Variants in E2F7 observed in about 807,000 individuals in gnomAD.
E2F7 encodes transcription factor E2F7.
A neutral mutation model predicts 81.1 loss-of-function variants in E2F7; 35 were observed. That is an observed-to-expected ratio of 0.43 (90% CI 0.33 to 0.57). The LOEUF (loss-of-function observed/expected upper bound fraction) is 0.57, where lower values mean the gene tolerates loss of function less well. E2F7 is among the 20% of genes least tolerant of loss of function. E2F7 has a pLI of 0.04. For synonymous variants in E2F7, 416 were observed against 416.2 expected (o/e 1.00, Z 0.01); for missense variants, 961 against 1,093.7 (o/e 0.88, Z 1.71).
chr12:77,057,165 AC>A (rs1348795005), intron 2 of E2F7, among the ~76,000 whole-genome samples: 1 of 151,940 alleles, frequency 6.6e-6, no homozygotes, highest in African/African-American at 2.4e-5. Flanking sequence ...TGATCTTCCC[AC>A]CTCAGCCTCC....
At chr12:77,034,143 C>A in intron 7 of E2F7, 101 bp from the exon 8 acceptor site, 1 of 947,048 alleles carries the variant, frequency 1.1e-6, no homozygotes, top group Non-Finnish European at 1.5e-6. Context: ...TGTAATGGAG[C>A]TATCACCCTA....
At chr12:77,034,066 GTGT>G (rs779632690) in intron 7 of E2F7, 24 bp from the exon 8 acceptor site, 2 of 1,600,930 alleles carry the variant, frequency 1.2e-6, no homozygotes, top group Non-Finnish European at 1.7e-6. Context: ...AGAATTGGTA[GTGT>G]TGTTATACAG....
chr12:77,044,742 C>G lies in E2F7; in HGVS notation c.883G>C (p.Val295Leu). The G allele has an allele frequency of 6.2e-7, 1 of 1,614,150 alleles. No individual in the cohort carries two copies. ...GTTTTGGAGACGAGGAACAGCATGACAAACTTCTGGCTCATAATTCTCAGA... is the reference window on the plus strand; with the variant it reads ...GTTTTGGAGACGAGGAACAGCATGAGAAACTTCTGGCTCATAATTCTCAGA... ...KSLRIMSQKF[V>L]MLFLVSKTKI... is the part of the protein sequence containing the mutation. The change falls in exon 6 of 13, where the codon GTC (valine) becomes CTC (leucine). Residue 295 changes from valine (V) to leucine (L), a missense_variant. Physicochemically the swap from Val to Leu is conservative, Grantham distance 32. Transcript: ENST00000322886.
chr12:77,030,045 A>G lies in E2F7; in HGVS notation c.1670T>C (p.Leu557Pro). Reference protein sequence around the residue: ...VYVPSASLFMLYGSLQEGPAS... With the variant: ...VYVPSASLFMPYGSLQEGPAS... ...TGGTCCCTCCTGCAGACTTCCATACAGCATGAACAGTGAGGCAGAGGGCAC... is the reference window on the plus strand; with the variant it reads ...TGGTCCCTCCTGCAGACTTCCATACGGCATGAACAGTGAGGCAGAGGGCAC... Residue 557 changes from leucine to proline, a missense_variant, in exon 10 of 13, where the codon CTG (leucine) becomes CCG (proline). This residue lies in a region of E2F7 where 587 missense variants were observed against 620.3 expected (regional missense o/e 0.95). Transcript: ENST00000322886. The G allele has an allele frequency of 6.2e-7, 1 of 1,614,162 alleles. No homozygotes were observed. Among genetic ancestry groups the G allele is most frequent in the Non-Finnish European group, 8.5e-7 (1 of 1,180,024 alleles).
intron 11 of E2F7, among the ~76,000 whole-genome samples, chr12:77,027,562 T>G (rs903922893): frequency 2.0e-5 from 3 of 152,214 alleles, no homozygotes; most frequent in Non-Finnish European, 4.4e-5. Context: ...ACTAGCTGCA[T>G]GCAATGGCCA....
intron 3 of E2F7, among the ~76,000 whole-genome samples, chr12:77,055,311 T>C (rs1955022787): frequency 6.6e-6 from 1 of 151,710 alleles, no homozygotes; most frequent in South Asian, 2.1e-4. Context: ...AAACTTTTCT[T>C]AGGAAGTCTG....
chr12:77,028,266 C>T (rs1443858457), intron 10 of E2F7, 128 bp from the exon 11 acceptor site: 5 of 1,209,406 alleles, frequency 4.1e-6, no homozygotes, highest in African/African-American at 1.5e-5. Context: ...GATCCCAGCT[C>T]ACTGCAACCT....
chr12:77,065,175 G>C (rs868413781), intron 1 of E2F7, among the ~76,000 whole-genome samples, 170 bp downstream of exon 1: 1 of 152,180 alleles, frequency 6.6e-6, no homozygotes, highest in African/African-American at 2.4e-5. Context: ...TGCCGGGCCG[G>C]AGTGAGAGCT....
chr12:77,031,517 T>C (rs1392175056), intron 9 of E2F7, among the ~76,000 whole-genome samples: 1 of 152,084 alleles, frequency 6.6e-6, no homozygotes, highest in Non-Finnish European at 1.5e-5. Context: ...GGCACACGCC[T>C]GTAATCGCAG....
At chr12:77,063,045 C>G (rs577145899) in intron 2 of E2F7, among the ~76,000 whole-genome samples, 1 of 152,172 alleles carries the variant, frequency 6.6e-6, no homozygotes, top group Admixed American at 6.5e-5. Context: ...TGAAATCTCA[C>G]GTCATCCTGC....
chr12:77,044,219 T>C, intron 6 of E2F7: 1 of 454,260 alleles, frequency 2.2e-6, no homozygotes, highest in South Asian at 1.6e-5. Flanking sequence ...CCACCACCCT[T>C]ACCCTGGCCA....
In E2F7 at chr12:77,043,269, G is replaced by A. The variant is rs1215595250; in HGVS notation, c.989-70C>T. On this transcript the variant is annotated intron_variant, in intron 6 of 12. Transcript: ENST00000322886. ...CATGACAGTTTAGTTTATGTGACAGGTAACTTTTCTCGGCTGCCATATAAA... is the reference window on the plus strand; with the variant it reads ...CATGACAGTTTAGTTTATGTGACAGATAACTTTTCTCGGCTGCCATATAAA... The A allele has an allele frequency of 5.6e-6, 9 of 1,598,686 alleles. No homozygotes were observed. In the East Asian group the frequency reaches 2.0e-4, roughly 36 times the overall value.
At chr12:77,042,750 G>A (rs1172212251) in intron 7 of E2F7, among the ~76,000 whole-genome samples, 1 of 152,164 alleles carries the variant, frequency 6.6e-6, no homozygotes, top group East Asian at 1.9e-4. Context: ...AACAACTGGA[G>A]TTCAAAAGAG....
At chr12:77,024,511 A>C (rs566835783) in intron 12 of E2F7, among the ~76,000 whole-genome samples, 2 of 152,290 alleles carry the variant, frequency 1.3e-5, no homozygotes, top group African/African-American at 4.8e-5. Context: ...GGCGATGGTA[A>C]AATTACTGAC....
rs1954751759 is a variant in E2F7 at position 77,025,695 on chromosome 12, G to C, written c.2428C>G (p.Pro810Ala). 26 of 1,614,076 alleles carry C rather than the reference G, an allele frequency of 1.6e-5. No homozygotes were observed. Among genetic ancestry groups the C allele is most frequent in the Non-Finnish European group, 2.2e-5 (26 of 1,180,058 alleles). Residue 810 changes from proline to alanine, a missense_variant, in exon 12 of 13, where the codon CCT becomes GCT. Pro to Ala is a conservative substitution (Grantham distance 27). Around this residue, in one of 3 missense-constraint regions of E2F7, gnomAD observed 587 missense variants for 620.3 expected, o/e 0.95. Coordinates refer to ENST00000322886, the MANE Select transcript of E2F7 (RefSeq NM_203394.3). ...CTCTGAAGCTGAGGGTCTGCAGAAG[G>C]GAGTGTGGACGACTTTGGATTAACC... is the stretch of plus-strand genomic sequence containing the variant. ...AVVNPKSSTL[P>A]SADPQLQSQP...
intron 3 of E2F7, among the ~76,000 whole-genome samples, chr12:77,054,413 CA>C (rs749456036): frequency 7.9e-5 from 12 of 151,696 alleles, no homozygotes; most frequent in Non-Finnish European, 1.6e-4. Context: ...ATACAATTTG[CA>C]ATAGCATCAA....
intron 11 of E2F7, among the ~76,000 whole-genome samples, chr12:77,026,704 A>G (rs1397908997): frequency 6.6e-6 from 1 of 152,230 alleles, no homozygotes; most frequent in African/African-American, 2.4e-5. Flanking sequence ...TCATTAGGAA[A>G]TAGTACAGAT....
At chr12:77,039,653 C>A (rs1265492402) in intron 7 of E2F7, among the ~76,000 whole-genome samples, 1 of 152,074 alleles carries the variant, frequency 6.6e-6, no homozygotes, top group Non-Finnish European at 1.5e-5. Context: ...AAAGACTGAC[C>A]ATATCAAGTT....
chr12:77,041,978 C>T (rs1228098494), intron 7 of E2F7, among the ~76,000 whole-genome samples: 1 of 152,174 alleles, frequency 6.6e-6, no homozygotes, highest in Non-Finnish European at 1.5e-5. Context: ...TACTCAATTG[C>T]AGTTGTTCAG....
Sources: gnomAD v4.1 joint callset for allele counts (sites outside exome capture counted in the v4.1 genomes callset) on GRCh38, gnomAD v4.1.1 for gene constraint, gnomAD v4.1.1 regional missense constraint, MANE v1.5 for transcripts, NCBI Gene and HGNC (gene_info 2026-07-23, HGNC 2026-07-21) for gene names.